The following ZNF496 variants were observed in gnomAD, a reference collection of about 807,000 sequenced individuals.
ZNF496 encodes the protein zinc finger protein 496.
ZNF496 carries 11 observed loss-of-function variants against 58.9 expected under a neutral mutation model. That is an observed-to-expected ratio of 0.19 (90% CI 0.12 to 0.31). The LOEUF (loss-of-function observed/expected upper bound fraction) is 0.31, where lower values mean the gene tolerates loss of function less well. Among genes scored for constraint, ZNF496 ranks in the 10% least tolerant of loss-of-function variants. The probability of loss-of-function intolerance (pLI) is 1.00; values close to 1 mark genes in which losing one functional copy is unlikely to be tolerated. For missense variants in ZNF496, 660 were observed against 783.0 expected (o/e 0.84, Z 1.88); for synonymous variants, 338 against 318.2 (o/e 1.06, Z -0.66).
chr1:247,303,742 TGAA>T (rs1434920170), intron 9 of ZNF496, among the ~76,000 whole-genome samples: 3 of 152,122 alleles, frequency 2.0e-5, no homozygotes, highest in Admixed American at 1.3e-4. Flanking sequence ...AGAGATAAAC[TGAA>T]GAAGGAATTG....
Position 247,329,488 on chromosome 1 carries a change from G to A in ZNF496, c.91C>T (p.Pro31Ser), listed in dbSNP as rs377660706. ...MRSPPGENPSPQGELPSPESS... is the reference protein window; with the variant it reads ...MRSPPGENPSSQGELPSPESS... ...TCGGGGCTGGGAAGCTCCCCCTGGGGGCTAGGGTTCTCTCCAGGTGGGCTC... is the reference window on the plus strand; with the variant it reads ...TCGGGGCTGGGAAGCTCCCCCTGGGAGCTAGGGTTCTCTCCAGGTGGGCTC... Residue 31 changes from proline (P) to serine (S), a missense_variant, in exon 4 of 10, where the codon CCC (proline) becomes TCC (serine). Physicochemically the swap from Pro to Ser is moderately conservative, Grantham distance 74. Transcript: ENST00000682384. The surrounding 1 kb of genome is among the most constrained non-coding windows in gnomAD (Gnocchi z 5.5). The A allele has an allele frequency of 3.1e-6, 5 of 1,603,626 alleles. No homozygotes were observed. The highest frequency in any genetic ancestry group is 3.4e-6 in the Non-Finnish European group (4 of 1,176,586).
intron 9 of ZNF496, among the ~76,000 whole-genome samples, chr1:247,306,842 C>G (rs1659431947): frequency 6.6e-6 from 1 of 152,160 alleles, no homozygotes; most frequent in African/African-American, 2.4e-5. Flanking sequence ...CTTGTGAGCA[C>G]TGGACTCTGG....
rs115181635 is a variant in ZNF496, at chr1:247,310,128, G to A, written c.784+196C>T. The A allele has an allele frequency of 1.3e-3, 1,823 of 1,435,990 alleles. 22 individuals are homozygous for A. In the African/African-American group the frequency reaches 0.023, roughly 18 times the overall value. The allele number at this position is 1,435,990 out of a possible 1,614,324, so 89.0% of individuals were successfully genotyped here. A position where few individuals can be genotyped will look rare whatever the true frequency, so the allele number is the denominator to read the frequency against. The stretch of plus-strand genomic sequence containing the variant: ...TAAGCCTGATGTGGCGAGACAGCAG[G>A]TGATGGTCAATCGGACACACTGCCT... On this transcript the variant is annotated intron_variant, in intron 7 of 9. Transcript: ENST00000682384.
At chr1:247,319,904 CAG>C (rs1158017900) in intron 6 of ZNF496, among the ~76,000 whole-genome samples, 1 of 152,122 alleles carries the variant, frequency 6.6e-6, no homozygotes, top group East Asian at 1.9e-4. Flanking sequence ...GCCTGGGTGA[CAG>C]AGTGAGACTC....
chr1:247,331,004 G>A (rs1293795622), intron 2 of ZNF496, among the ~76,000 whole-genome samples: 1 of 152,226 alleles, frequency 6.6e-6, no homozygotes, highest in Non-Finnish European at 1.5e-5. Context: ...ATCGCTTCCA[G>A]GGCGGCTCCG....
chr1:247,299,613 C>A lies in ZNF496; in HGVS notation c.*906G>T, dbSNP rs1397994198. On this transcript the variant is annotated 3_prime_UTR_variant, in exon 10 of 10. Transcript: ENST00000682384. ...CTCACCCAGACAGGAGAACCCCTCA[C>A]TGGGGGCAGAGCTCCACATTCCTAG... is the stretch of plus-strand genomic sequence containing the variant. 6.6e-6 allele frequency: 1 copy of A among 152,256 alleles called. No homozygotes were observed. The highest frequency in any genetic ancestry group is 2.4e-5 in the African/African-American group (1 of 41,462). The allele number at this position is 152,256 out of a possible 1,614,324, so 9.4% of individuals were successfully genotyped here. A position where few individuals can be genotyped will look rare whatever the true frequency, so the allele number is the denominator to read the frequency against.
chr1:247,306,648 T>C (rs1001692170), intron 9 of ZNF496, among the ~76,000 whole-genome samples: 8 of 151,668 alleles, frequency 5.3e-5, no homozygotes, highest in Non-Finnish European at 8.8e-5. Flanking sequence ...ACTACAGGTG[T>C]CTGCCACTGT....
intron 6 of ZNF496, among the ~76,000 whole-genome samples, chr1:247,318,816 T>C (rs1572086552): frequency 6.6e-6 from 1 of 152,136 alleles, no homozygotes; most frequent in South Asian, 2.1e-4. Context: ...GGGTAATAAA[T>C]AGGTTTTCTT....
In ZNF496 at chr1:247,308,676, C is replaced by A. The variant is rs546389231; in HGVS notation, c.893-88G>T. On this transcript the variant is annotated intron_variant, in intron 8 of 9. Transcript: ENST00000682384. This position sits in a 1 kb window ranked among gnomAD's most constrained non-coding sequence, Gnocchi z 4.5. ...TGCTATCCGAATAGATGCCAGGCTACGATCTGGGGGCGGCCCTGGGCTCCG... is the reference window on the plus strand; with the variant it reads ...TGCTATCCGAATAGATGCCAGGCTAAGATCTGGGGGCGGCCCTGGGCTCCG... 6.0e-4 allele frequency: 783 copies of A among 1,294,264 alleles called. 5 individuals are homozygous for A. Among genetic ancestry groups the A allele is most frequent in the Middle Eastern group, 2.4e-3 (13 of 5,336 alleles). The allele number at this position is 1,294,264 out of a possible 1,614,324, so 80.2% of individuals were successfully genotyped here.
At chr1:247,322,700 C>G (rs762689878) in intron 6 of ZNF496, 1 of 1,288,036 alleles carries the variant, frequency 7.8e-7, no homozygotes, top group Admixed American at 2.3e-5. Flanking sequence ...TGACTCACCA[C>G]GTAGATCTGT....
At chr1:247,325,180 T>A (rs1242887674) in intron 5 of ZNF496, among the ~76,000 whole-genome samples, 3 of 152,120 alleles carry the variant, frequency 2.0e-5, no homozygotes, top group African/African-American at 4.8e-5. Flanking sequence ...AGTGGCTATG[T>A]GGAACAAAGG....
chr1:247,307,896 C>T, intron 9 of ZNF496: 1 of 985,402 alleles, frequency 1.0e-6, no homozygotes, highest in Non-Finnish European at 1.2e-6. Flanking sequence ...TCAGAGTCTA[C>T]ACTGTGGCTA....
chr1:247,306,497 G>T (rs111242171), intron 9 of ZNF496, among the ~76,000 whole-genome samples: 33 of 144,448 alleles, frequency 2.3e-4, no homozygotes, highest in African/African-American at 7.7e-4. Flanking sequence ...GCACCTGGCC[G>T]TTTTTTTTTT....
chr1:247,310,346 A>G lies in ZNF496; in HGVS notation c.762T>C (p.Asp254=). 6.2e-7 allele frequency: 1 copy of G among 1,614,142 alleles called. No homozygotes were observed. The highest frequency in any genetic ancestry group is 8.5e-7 in the Non-Finnish European group (1 of 1,180,024). ...TACTTGGAGGCATTGAGACCCCGTA[A>G]TCCTCCCCAATGATGAACTCTCCAT... ...GFYGEFIIGE[D]YGVSMPPNDL... Residue 254 remains aspartate, a synonymous_variant, in exon 7 of 10, where the codon GAT becomes GAC. Transcript: ENST00000682384.
At chr1:247,331,127 G>A (rs908039743) in intron 2 of ZNF496, among the ~76,000 whole-genome samples, 1 of 152,156 alleles carries the variant, frequency 6.6e-6, no homozygotes, top group East Asian at 1.9e-4. Context: ...GAGCACCGGC[G>A]CCCACCCGGG....
Position 247,300,436 on chromosome 1 carries a change from G to A in ZNF496, c.*83C>T. On this transcript the variant is annotated 3_prime_UTR_variant, in exon 10 of 10. Transcript: ENST00000682384. This position sits in a 1 kb window ranked among gnomAD's most constrained non-coding sequence, Gnocchi z 5.7. ...AGGTGTGCTCTCTATCCTGGGGAAG[G>A]TATGTCCTGGGTGGGGGCGCTGATC... 4 of 1,438,210 alleles carry A rather than the reference G, an allele frequency of 2.8e-6. No individual in the cohort carries two copies. The highest frequency in any genetic ancestry group is 2.8e-5 in the South Asian group (2 of 72,204). The allele number at this position is 1,438,210 out of a possible 1,614,324, so 89.1% of individuals were successfully genotyped here. A position where few individuals can be genotyped will look rare whatever the true frequency, so the allele number is the denominator to read the frequency against.
At position 247,300,193 on chromosome 1, in the gene ZNF496, T is replaced by C. The variant is rs571904052; in HGVS notation, c.*326A>G. 3.5e-5 allele frequency: 8 copies of C among 228,144 alleles called. No individual in the cohort carries two copies. Among genetic ancestry groups the C allele is most frequent in the African/African-American group, 6.7e-5 (3 of 44,448 alleles). 14.1% of individuals were successfully genotyped at this position (228,144 alleles called of 1,614,324 possible). On this transcript the variant is annotated 3_prime_UTR_variant, in exon 10 of 10. Coordinates refer to ENST00000682384, the MANE Select transcript of ZNF496 (RefSeq NM_032752.3). This position sits in a 1 kb window ranked among gnomAD's most constrained non-coding sequence, Gnocchi z 5.7. ...ACCAGGGTGCCGCCCTGACGGGGGA[T>C]AGCCCAGTTTTACTCCCCGAGCTTG...
chr1:247,305,080 G>A (rs146785957), intron 9 of ZNF496, among the ~76,000 whole-genome samples: 1 of 152,142 alleles, frequency 6.6e-6, no homozygotes, highest in Non-Finnish European at 1.5e-5. Context: ...AAGGACCTCA[G>A]AATGTGACTG....
intron 9 of ZNF496, among the ~76,000 whole-genome samples, chr1:247,302,071 G>C (rs575640984): frequency 1.8e-4 from 27 of 152,058 alleles, no homozygotes; most frequent in African/African-American, 6.3e-4. Flanking sequence ...TGCAGAGCCC[G>C]GCCTGAGGTC....
Sources: gnomAD v4.1 joint callset for allele counts (sites outside exome capture counted in the v4.1 genomes callset) on GRCh38, gnomAD v4.1.1 for gene constraint, Gnocchi (gnomAD v3.1) non-coding constraint, MANE v1.5 for transcripts, NCBI Gene and HGNC (gene_info 2026-07-23, HGNC 2026-07-21) for gene names.